Variants in CA13 observed in about 807,000 individuals in gnomAD.
CA13 encodes the protein carbonic anhydrase 13.
Under a neutral mutation model 31.5 loss-of-function variants are expected in CA13, and 21 were observed. That is an observed-to-expected ratio of 0.67 (90% CI 0.47 to 0.96). The LOEUF (loss-of-function observed/expected upper bound fraction) is 0.96. CA13 is among the 40% of genes least tolerant of loss of function. CA13 has a pLI of 0.00. For synonymous variants in CA13, 117 were observed against 111.4 expected, an observed-to-expected ratio of 1.05 and a Z score of -0.32; for missense variants, 315 against 318.9, an observed-to-expected ratio of 0.99 and a Z score of 0.09.
chr8:85,269,689 T>C (rs574616504), intron 6 of CA13, among the ~76,000 whole-genome samples: 2 of 152,202 alleles, frequency 1.3e-5, no homozygotes, highest in Non-Finnish European at 1.5e-5. Context: ...TAAATACTTA[T>C]GGAGCTTCCC....
chr8:85,272,745 G>T (rs1007344158), intron 6 of CA13, among the ~76,000 whole-genome samples: 1 of 152,126 alleles, frequency 6.6e-6, no homozygotes, highest in Non-Finnish European at 1.5e-5. Context: ...TTTATGTCTT[G>T]TGTCAATACC....
intron 3 of CA13, among the ~76,000 whole-genome samples, chr8:85,264,283 A>G (rs1807426053): frequency 6.6e-6 from 1 of 152,226 alleles, no homozygotes; most frequent in Non-Finnish European, 1.5e-5. Context: ...GCATACCACT[A>G]ATATGGAATT....
chr8:85,273,436 A>T (rs576275931), intron 6 of CA13, among the ~76,000 whole-genome samples: 3 of 152,154 alleles, frequency 2.0e-5, no homozygotes, highest in African/African-American at 7.2e-5. Flanking sequence ...GCTCTTTCTC[A>T]GGCTGGGCGC....
At chr8:85,270,187 G>T (rs544533284) in intron 6 of CA13, among the ~76,000 whole-genome samples, 2 of 152,278 alleles carry the variant, frequency 1.3e-5, no homozygotes, top group Admixed American at 6.5e-5. Flanking sequence ...CAAGAACACA[G>T]TCTAGTAATT....
intron 6 of CA13, among the ~76,000 whole-genome samples, chr8:85,273,412 T>C (rs1374725185): frequency 6.6e-6 from 1 of 152,168 alleles, no homozygotes; most frequent in South Asian, 2.1e-4. Context: ...GTTCTTTATA[T>C]AGTCTGGATA....
At chr8:85,256,289 A>G (rs1807295355) in intron 2 of CA13, among the ~76,000 whole-genome samples, 1 of 152,238 alleles carries the variant, frequency 6.6e-6, no homozygotes, top group Non-Finnish European at 1.5e-5. Flanking sequence ...CTCAATAACA[A>G]TTAGTAACTA....
chr8:85,248,574 G>T (rs1167887767), intron 1 of CA13, among the ~76,000 whole-genome samples: 3 of 152,032 alleles, frequency 2.0e-5, no homozygotes, highest in Non-Finnish European at 4.4e-5. Context: ...AGCCTGCAGG[G>T]TCATGGGGGG....
At chr8:85,273,660 T>C (rs1305689811) in intron 6 of CA13, among the ~76,000 whole-genome samples, 2 of 151,984 alleles carry the variant, frequency 1.3e-5, no homozygotes, top group Non-Finnish European at 2.9e-5. Flanking sequence ...GGGTACTATG[T>C]AGCAGTCAGA....
chr8:85,249,076 G>T (rs1813780965), intron 1 of CA13, among the ~76,000 whole-genome samples: 1 of 152,246 alleles, frequency 6.6e-6, no homozygotes, highest in Non-Finnish European at 1.5e-5. Context: ...TTTGTCAGAT[G>T]ACATCTTTTA....
rs139261377 is a variant in CA13 at position 85,269,283 on chromosome 8, C to T, written c.669+656C>T. Among the ~76,000 whole-genome samples the T allele has an allele frequency of 2.0e-4, 31 of 152,226 alleles. 1 individual carries two copies. Among genetic ancestry groups the T allele is most frequent in the African/African-American group, 7.2e-4 (30 of 41,524 alleles). On this transcript the variant is annotated intron_variant, in intron 6 of 6. Coordinates refer to ENST00000321764, the MANE Select transcript of CA13 (RefSeq NM_198584.3). ...CCTGGGCAACACTGTAAAACCTTGT[C>T]TCTACAAAAAATACAAAAAGTAGCC...
In CA13 at chr8:85,255,211, G is replaced by C. The variant is rs538391345; in HGVS notation, c.236-4210G>C. Among the ~76,000 whole-genome samples, 5 of 151,342 alleles carry C rather than the reference G, an allele frequency of 3.3e-5. No individual in the cohort carries two copies. The South Asian group carries it at 1.0e-3, about 32-fold the overall frequency. On this transcript the variant is annotated intron_variant, in intron 2 of 6. Coordinates refer to ENST00000321764, the MANE Select transcript of CA13 (RefSeq NM_198584.3). ...AACTCATTGAAGCCCGGAACTCCTG[G>C]GCTCAAGTGCTTCTCCCCACTTGGT...
At position 85,250,803 on chromosome 8, in the gene CA13, T is replaced by C; in HGVS notation, c.101T>C (p.Ile34Thr). Residue 34 changes from isoleucine to threonine, a missense_variant, in exon 2 of 7, where the codon ATT (isoleucine) becomes ACT (threonine). Transcript: ENST00000321764. ...GGTGATCAGCAATCTCCAATTGAGA[T>C]TAAAACCAAAGAAGTGAAATATGAC... ...ADGDQQSPIEIKTKEVKYDSS... is the reference protein window; with the variant it reads ...ADGDQQSPIETKTKEVKYDSS... The C allele has an allele frequency of 1.9e-6, 3 of 1,614,052 alleles. No homozygotes were observed. Among genetic ancestry groups the C allele is most frequent in the Non-Finnish European group, 2.5e-6 (3 of 1,179,956 alleles).
At chr8:85,278,156 C>T (rs1437641939) in intron 6 of CA13, among the ~76,000 whole-genome samples, 1 of 150,840 alleles carries the variant, frequency 6.6e-6, no homozygotes, top group Non-Finnish European at 1.5e-5. Flanking sequence ...ACCTCAGCTA[C>T]TCCGGAGGCT....
At position 85,250,829 on chromosome 8, in the gene CA13, T is replaced by C; in HGVS notation, c.127T>C (p.Ser43Pro). Residue 43 changes from serine (S) to proline (P), a missense_variant, in exon 2 of 7, where the codon TCT becomes CCT. By Grantham distance (74) the Ser-to-Pro change is moderately conservative. Coordinates refer to ENST00000321764, the MANE Select transcript of CA13 (RefSeq NM_198584.3). Reference protein sequence around the residue: ...EIKTKEVKYDSSLRPLSIKYD... With the variant: ...EIKTKEVKYDPSLRPLSIKYD... ...TAAAACCAAAGAAGTGAAATATGAC[T>C]CTTCCCTCCGACCACTTAGTATCAA... 1 of 1,613,938 alleles carries C rather than the reference T, an allele frequency of 6.2e-7. No individual in the cohort carries two copies. Among genetic ancestry groups the C allele is most frequent in the Non-Finnish European group, 8.5e-7 (1 of 1,179,830 alleles).
chr8:85,245,498 C>T lies in CA13; in HGVS notation c.-331C>T. On this transcript the variant is annotated 5_prime_UTR_variant, in exon 1 of 7. Transcript: ENST00000321764. The stretch of plus-strand genomic sequence containing the variant: ...GTCCTCTAGGCAACACTTTCCTCTC[C>T]CGAGTGACGACTCCTCAGAAGGCAG... 1 of 341,790 alleles carries T rather than the reference C, an allele frequency of 2.9e-6. No individual in the cohort carries two copies. 21.2% of individuals were successfully genotyped at this position (341,790 alleles called of 1,614,324 possible). A position where few individuals can be genotyped will look rare whatever the true frequency, so the allele number is the denominator to read the frequency against.
In CA13 at chr8:85,281,544, A is replaced by C; in HGVS notation, c.*195A>C. On this transcript the variant is annotated 3_prime_UTR_variant, in exon 7 of 7. Transcript: ENST00000321764. ...TTATTTTTTTTAGTGATAGAGTCTC[A>C]CTCTGTCACCCAGGCTGGAGGGCAG... The C allele has an allele frequency of 1.6e-6, 2 of 1,249,506 alleles. No individual in the cohort carries two copies. The highest frequency in any genetic ancestry group is 1.8e-5 in the South Asian group (1 of 56,294). 77.4% of individuals were successfully genotyped at this position (1,249,506 alleles called of 1,614,324 possible).
rs947090962 is a variant in CA13, at chr8:85,267,249, T to G, written c.450+546T>G. 5 of 987,174 alleles carry G rather than the reference T, an allele frequency of 5.1e-6. No homozygotes were observed. In the African/African-American group the frequency reaches 8.7e-5, roughly 17 times the overall value. 61.2% of individuals were successfully genotyped at this position (987,174 alleles called of 1,614,324 possible). Reference sequence around the variant, plus strand: ...CCTTTGTCACACCCCATACTCTCCATGTGTTGTAACTCATGAACAGAGAAT... The same window carrying G: ...CCTTTGTCACACCCCATACTCTCCAGGTGTTGTAACTCATGAACAGAGAAT... On this transcript the variant is annotated intron_variant, in intron 4 of 6. Transcript: ENST00000321764.
In CA13 at chr8:85,281,429, C is replaced by A; in HGVS notation, c.*80C>A. The A allele has an allele frequency of 3.2e-6, 5 of 1,542,936 alleles. No homozygotes were observed. The highest frequency in any genetic ancestry group is 3.5e-6 in the Non-Finnish European group (4 of 1,136,860). ...AACAAAGCACAAAAGTCTCTGCCAA[C>A]AACTCTTTTGTGGAATTCTAATTTA... On this transcript the variant is annotated 3_prime_UTR_variant, in exon 7 of 7. Coordinates refer to ENST00000321764, the MANE Select transcript of CA13 (RefSeq NM_198584.3).
In CA13 at chr8:85,268,609, A is replaced by G; in HGVS notation, c.651A>G (p.Ile217Met). The G allele has an allele frequency of 1.2e-6, 2 of 1,613,694 alleles. No homozygotes were observed. Among genetic ancestry groups the G allele is most frequent in the Non-Finnish European group, 1.7e-6 (2 of 1,179,918 alleles). ...SVTWIVLKQP[I>M]NISSQQLAKF... ...CATGGATTGTTTTAAAGCAACCTAT[A>G]AACATCAGCTCTCAACAGGTACATA... The change falls in exon 6 of 7, where the codon ATA (isoleucine) becomes ATG (methionine). Residue 217 changes from isoleucine (I) to methionine (M), a missense_variant. Physicochemically the swap from Ile to Met is conservative, Grantham distance 10. Coordinates refer to ENST00000321764, the MANE Select transcript of CA13 (RefSeq NM_198584.3).
Sources: gnomAD v4.1 joint callset for allele counts (sites outside exome capture counted in the v4.1 genomes callset) on GRCh38, gnomAD v4.1.1 for gene constraint, MANE v1.5 for transcripts, NCBI Gene and HGNC (gene_info 2026-07-23, HGNC 2026-07-21) for gene names.